Variants in SMYD3 observed in about 807,000 individuals in gnomAD.
The protein encoded by SMYD3 is histone-lysine N-methyltransferase SMYD3.
In SMYD3, 36 loss-of-function variants were observed where a neutral mutation model predicts 57.7. That is an observed-to-expected ratio of 0.62 (90% confidence interval 0.48 to 0.82). The LOEUF (loss-of-function observed/expected upper bound fraction) is 0.82. SMYD3 is among the 40% of genes least tolerant of loss of function. The pLI, the probability that SMYD3 is intolerant of heterozygous loss-of-function variation, is 0.00. For missense variants in SMYD3, 515 were observed against 538.8 expected (o/e 0.96, Z 0.44); for synonymous variants, 211 against 195.0 (o/e 1.08, Z -0.68).
chr1:246,131,310 A>G (rs554036669), intron 5 of SMYD3, among the ~76,000 whole-genome samples: 21 of 152,174 alleles, frequency 1.4e-4, no homozygotes, highest in Non-Finnish European at 2.8e-4. Flanking sequence ...CACTGTGTAC[A>G]TGGTGGTGGC....
Position 246,277,476 on chromosome 1 carries a change from C to CCAA in SMYD3, c.531+49722_531+49724dup, listed in dbSNP as rs1274194128. Reference sequence around the variant, plus strand: ...CAAGCAAACACCACCACCACCACCACCAACAACAACAACAAAAATGCTCTT... The same window carrying CCAA: ...CAAGCAAACACCACCACCACCACCACCAACAACAACAACAACAAAAATGCTCTT... On this transcript the variant is annotated intron_variant, in intron 5 of 11. Coordinates refer to ENST00000490107, the MANE Select transcript of SMYD3 (RefSeq NM_001167740.2). Among the ~76,000 whole-genome samples the CCAA allele has an allele frequency of 2.6e-5, 4 of 151,680 alleles. No individual in the cohort carries two copies. The East Asian group carries it at 7.8e-4, about 29-fold the overall frequency.
At chr1:246,506,444 A>G (rs1181194573) in intron 1 of SMYD3, among the ~76,000 whole-genome samples, 2 of 151,920 alleles carry the variant, frequency 1.3e-5, no homozygotes, top group Non-Finnish European at 2.9e-5. Flanking sequence ...TTGCCCCTCT[A>G]TTTCAGCCCT....
chr1:246,319,623 G>T (rs2065215282), intron 5 of SMYD3, among the ~76,000 whole-genome samples: 1 of 152,072 alleles, frequency 6.6e-6, no homozygotes, highest in Non-Finnish European at 1.5e-5. Flanking sequence ...TCTAAAATCT[G>T]GTCCTACATG....
intron 11 of SMYD3, among the ~76,000 whole-genome samples, chr1:245,756,954 T>A (rs1481038213): frequency 1.5e-4 from 23 of 152,098 alleles, no homozygotes. Flanking sequence ...CCACTATTAA[T>A]TCTTTTTTTA....
At chr1:245,891,351 C>T (rs551453274) in intron 8 of SMYD3, among the ~76,000 whole-genome samples, 79 of 152,316 alleles carry the variant, frequency 5.2e-4, no homozygotes, top group African/African-American at 1.5e-3. Context: ...TAAATATACA[C>T]GCCTACTCTG....
rs1400735678 is a variant in SMYD3, at chr1:246,355,840, G to C, written c.165-746C>G. Among the ~76,000 whole-genome samples, 2 of 152,086 alleles carry C rather than the reference G, an allele frequency of 1.3e-5. No individual in the cohort carries two copies. The highest frequency in any genetic ancestry group is 2.4e-5 in the African/African-American group (1 of 41,408). On this transcript the variant is annotated intron_variant, in intron 1 of 11. Transcript: ENST00000490107. This position sits in a 1 kb window ranked among gnomAD's most constrained non-coding sequence, Gnocchi z 5.0. ...TCAGACACACCTATCCCTGCCCCCT[G>C]GTGGTCTTTCTCTACCAGCCCTGGG...
At chr1:245,922,501 C>A (rs2056044215) in intron 7 of SMYD3, among the ~76,000 whole-genome samples, 1 of 152,218 alleles carries the variant, frequency 6.6e-6, no homozygotes, top group South Asian at 2.1e-4. Context: ...CAGACCACCT[C>A]CACCAAAGAC....
chr1:246,419,666 G>A (rs781422091), intron 1 of SMYD3, among the ~76,000 whole-genome samples: 9 of 152,188 alleles, frequency 5.9e-5, no homozygotes, highest in Non-Finnish European at 1.2e-4. Flanking sequence ...CAGCACTCCC[G>A]TATCACAGTC....
chr1:246,304,903 T>C (rs1043135401), intron 5 of SMYD3, among the ~76,000 whole-genome samples: 33 of 152,238 alleles, frequency 2.2e-4, no homozygotes, highest in African/African-American at 7.7e-4. Flanking sequence ...CTTTCATCTT[T>C]GTTGAGATTT....
chr1:245,991,587 C>T (rs1448452419), intron 5 of SMYD3, among the ~76,000 whole-genome samples: 1 of 152,202 alleles, frequency 6.6e-6, no homozygotes, highest in Non-Finnish European at 1.5e-5. Context: ...CCTGTGGTTG[C>T]TGGGGAACCT....
At chr1:245,795,477 C>T (rs2047484414) in intron 10 of SMYD3, among the ~76,000 whole-genome samples, 1 of 152,196 alleles carries the variant, frequency 6.6e-6, no homozygotes, top group Non-Finnish European at 1.5e-5. Context: ...CTCCTTTATC[C>T]GAGAGCCAGG....
intron 5 of SMYD3, among the ~76,000 whole-genome samples, chr1:245,993,955 T>A (rs2058870586): frequency 6.6e-6 from 1 of 152,222 alleles, no homozygotes. Flanking sequence ...ATATCCAATA[T>A]TCCATCCAGG....
chr1:246,030,385 A>G (rs961932672), intron 5 of SMYD3, among the ~76,000 whole-genome samples: 1 of 152,216 alleles, frequency 6.6e-6, no homozygotes, highest in Non-Finnish European at 1.5e-5. Flanking sequence ...TGTGCTCATC[A>G]AAGTAGAACT....
At chr1:245,762,578 G>A (rs970284988) in intron 11 of SMYD3, among the ~76,000 whole-genome samples, 3 of 152,094 alleles carry the variant, frequency 2.0e-5, no homozygotes, top group Admixed American at 1.3e-4. Flanking sequence ...CCCCCGCCTG[G>A]GTAAACATGC....
At chr1:245,771,834 G>A (rs2148091645) in intron 10 of SMYD3, among the ~76,000 whole-genome samples, 1 of 151,570 alleles carries the variant, frequency 6.6e-6, no homozygotes, top group East Asian at 1.9e-4. Context: ...TTGCTGGGAG[G>A]GAAAAAAAAG....
chr1:246,208,546 T>G (rs906844844), intron 5 of SMYD3, among the ~76,000 whole-genome samples: 9 of 152,146 alleles, frequency 5.9e-5, no homozygotes, highest in African/African-American at 2.2e-4. Flanking sequence ...GCTTGTCATA[T>G]TCTAAATACT....
At chr1:245,899,735 G>A (rs2054064677) in intron 8 of SMYD3, among the ~76,000 whole-genome samples, 1 of 152,134 alleles carries the variant, frequency 6.6e-6, no homozygotes, top group South Asian at 2.1e-4. Flanking sequence ...GCTTGCCATT[G>A]GAATCCACAG....
intron 8 of SMYD3, among the ~76,000 whole-genome samples, chr1:245,870,508 CTA>C (rs552923179): frequency 2.0e-3 from 301 of 152,336 alleles, no homozygotes; most frequent in African/African-American, 7.0e-3. Flanking sequence ...CTCGCTCCAT[CTA>C]TCCCTGCATG....
intron 8 of SMYD3, among the ~76,000 whole-genome samples, chr1:245,907,226 G>A (rs531599606): frequency 7.9e-5 from 12 of 152,138 alleles, no homozygotes; most frequent in Admixed American, 2.6e-4. Context: ...TAATCGGATC[G>A]TTTGTAACTC....
Sources: gnomAD v4.1 joint callset for allele counts (sites outside exome capture counted in the v4.1 genomes callset) on GRCh38, gnomAD v4.1.1 for gene constraint, Gnocchi (gnomAD v3.1) non-coding constraint, MANE v1.5 for transcripts, NCBI Gene and HGNC (gene_info 2026-07-23, HGNC 2026-07-21) for gene names.